Variants in TPPP2 observed in about 807,000 individuals in gnomAD.
TPPP2 encodes the protein tubulin polymerization-promoting protein family member 2.
TPPP2 carries 8 observed loss-of-function variants against 13.0 expected under a neutral mutation model. That is an observed-to-expected ratio of 0.62 (90% CI 0.36 to 1.11). The LOEUF (loss-of-function observed/expected upper bound fraction) is 1.11. Among genes scored for constraint, TPPP2 ranks in the 50% most tolerant of loss-of-function variants. TPPP2 has a pLI of 0.02. For synonymous variants in TPPP2, 81 were observed against 81.8 expected (o/e 0.99, Z 0.05); for missense variants, 213 against 216.9 (o/e 0.98, Z 0.11).
chr14:21,035,664 C>A (rs549150256), downstream of TPPP2: 2 of 420,746 alleles, frequency 4.8e-6, no homozygotes, highest in Non-Finnish European at 4.8e-6. Flanking sequence ...GGAGTAAGGC[C>A]GCAGAGAGAA....
intron 3 of TPPP2, 121 bp from the exon 4 acceptor site, chr14:21,031,771 C>T (rs1884184658): frequency 5.2e-6 from 6 of 1,145,070 alleles, no homozygotes; most frequent in Admixed American, 2.5e-5. Context: ...AAGCAGCACC[C>T]CATGCCAGTG....
At chr14:21,034,361 G>A, downstream of TPPP2, 1 of 1,086,542 alleles carries the variant, frequency 9.2e-7, no homozygotes, top group African/African-American at 1.6e-5. Context: ...ACATCCCAGA[G>A]CCTCCAGCAT....
At chr14:21,034,076 G>A, downstream of TPPP2, 1 of 1,614,166 alleles carries the variant, frequency 6.2e-7, no homozygotes, top group Non-Finnish European at 8.5e-7. Context: ...TCACATAATG[G>A]ATCTTTGGGC....
upstream of TPPP2, chr14:21,025,359 C>T (rs1883356493): frequency 1.0e-6 from 1 of 985,264 alleles, no homozygotes; most frequent in Non-Finnish European, 1.2e-6. The surrounding 1 kb of genome is among the most constrained non-coding windows in gnomAD (Gnocchi z 5.1). Flanking sequence ...TGAGAGGGAT[C>T]CCTCGGCTGC....
chr14:21,031,715 G>A (rs1884175534), intron 3 of TPPP2, among the ~76,000 whole-genome samples, 177 bp from the exon 4 acceptor site: 2 of 152,162 alleles, frequency 1.3e-5, no homozygotes, highest in South Asian at 2.1e-4. Context: ...ATGAGTGAAC[G>A]GCTCTTACCA....
chr14:21,033,355 C>T (rs76835023), downstream of TPPP2: 8,210 of 280,274 alleles, frequency 0.029, 245 homozygotes, highest in East Asian at 0.12. Flanking sequence ...GCCATATCCC[C>T]TGAGTAGGTG....
chr14:21,025,814 G>A, upstream of TPPP2: 1 of 724,462 alleles, frequency 1.4e-6, no homozygotes, highest in Non-Finnish European at 1.7e-6. This position sits in a 1 kb window ranked among gnomAD's most constrained non-coding sequence, Gnocchi z 5.1. Context: ...GCGGGGGGTG[G>A]GGAGAGGATG....
At chr14:21,025,720 T>C (rs1883504173), upstream of TPPP2, 1 of 965,670 alleles carries the variant, frequency 1.0e-6, no homozygotes, top group Non-Finnish European at 1.2e-6. The surrounding 1 kb of genome is among the most constrained non-coding windows in gnomAD (Gnocchi z 5.1). Flanking sequence ...CTCCGGCTGC[T>C]CCGGGAGAAG....
downstream of TPPP2, chr14:21,034,184 T>G (rs780855007): frequency 2.5e-6 from 4 of 1,613,734 alleles, no homozygotes; most frequent in Non-Finnish European, 3.4e-6. Context: ...AGTCAATGCT[T>G]AAGGTATAGA....
At position 21,025,128 on chromosome 14, in the gene TPPP2, C is replaced by T. The variant is rs1490471900; in HGVS notation, n.236+784C>T. ...CCCGCCCCCGGCCCGCCCCAGCCCG[C>T]CCACGGGCGCTAGGCTCCCCGCAGA... On this transcript the variant is annotated intron_variant and non_coding_transcript_variant, in intron 1 of 1. Coordinates refer to the TPPP2 transcript ENST00000533755. This position sits in a 1 kb window ranked among gnomAD's most constrained non-coding sequence, Gnocchi z 5.1. The T allele has an allele frequency of 4.0e-5, 39 of 982,528 alleles. No individual in the cohort carries two copies. In the South Asian group the frequency reaches 1.3e-3, roughly 32 times the overall value. 60.9% of individuals were successfully genotyped at this position (982,528 alleles called of 1,614,324 possible). A position where few individuals can be genotyped will look rare whatever the true frequency, so the allele number is the denominator to read the frequency against.
chr14:21,031,471 C>A (rs1351535295), intron 3 of TPPP2, among the ~76,000 whole-genome samples: 1 of 152,202 alleles, frequency 6.6e-6, no homozygotes, highest in Non-Finnish European at 1.5e-5. Context: ...CTGATGCCCA[C>A]TCCTCTTCCA....
Position 21,031,025 on chromosome 14 carries a change from C to A in TPPP2, c.187C>A (p.Arg63=). 1 of 1,609,676 alleles carries A rather than the reference C, an allele frequency of 6.2e-7. No individual in the cohort carries two copies. Among genetic ancestry groups the A allele is most frequent in the Non-Finnish European group, 8.5e-7 (1 of 1,178,222 alleles). The change falls in exon 3 of 4, where the codon CGA becomes AGA. Residue 63 remains arginine, a synonymous_variant. Transcript: ENST00000321760. ...VFSKVKAKNA[R]TITFQQFKEA... ...CTAACTGACCAGGGCCAAGAACGCC[C>A]GAACCATCACGTTTCAACAGTTCAA...
upstream of TPPP2, chr14:21,029,129 C>T (rs1229055033): frequency 6.6e-6 from 1 of 152,184 alleles, no homozygotes; most frequent in East Asian, 1.9e-4. Flanking sequence ...GCTTGCTGGG[C>T]CCAACACTGG....
At chr14:21,024,696 C>T (rs1882809871) in intron 1 of TPPP2, 6 of 985,346 alleles carry the variant, frequency 6.1e-6, no homozygotes, top group South Asian at 9.4e-5. Context: ...CAAGCGCCAT[C>T]GGGAAGGGAT....
At chr14:21,027,593 C>T (rs1403311491), upstream of TPPP2, among the ~76,000 whole-genome samples, 1 of 152,198 alleles carries the variant, frequency 6.6e-6, no homozygotes, top group African/African-American at 2.4e-5. Context: ...GGAGAAAATG[C>T]AAACTATGAA....
intron 2 of TPPP2, 62 bp downstream of exon 2, chr14:21,030,816 A>G: frequency 1.3e-6 from 2 of 1,583,668 alleles, no homozygotes; most frequent in South Asian, 2.3e-5. Context: ...TGGCCACGGA[A>G]GGGTTCACGT....
rs9624 is a variant in TPPP2, at chr14:21,031,962, G to T, written c.398G>T (p.Arg133Leu). 0.14 allele frequency: 220,154 copies of T among 1,613,990 alleles called. 16,915 individuals carry two copies. Among genetic ancestry groups the T allele is most frequent in the East Asian group, 0.28 (12,690 of 44,856 alleles). Residue 133 changes from arginine to leucine, a missense_variant, in exon 4 of 4, where the codon CGC (arginine) becomes CTC (leucine). Coordinates refer to ENST00000321760, the MANE Select transcript of TPPP2 (RefSeq NM_173846.5). ...AAGTACACCGGCACCCACAAGGAGC[G>T]CTTTGATGAGAGTGGCAAGGGCAAG... ...TSKYTGTHKE[R>L]FDESGKGKGI...
At position 21,032,343 on chromosome 14, in the gene TPPP2, G is replaced by C; in HGVS notation, c.*266G>C. On this transcript the variant is annotated 3_prime_UTR_variant, in exon 4 of 4. Transcript: ENST00000321760. ...AGCTGCTTCCAAGAACAGGATGGAA[G>C]AATATATTTGGAGTAAAGAGATGAA... 1.8e-6 allele frequency: 1 copy of C among 563,712 alleles called. No individual in the cohort carries two copies. Among genetic ancestry groups the C allele is most frequent in the South Asian group, 1.5e-5 (1 of 65,310 alleles). 34.9% of individuals were successfully genotyped at this position (563,712 alleles called of 1,614,324 possible). A position where few individuals can be genotyped will look rare whatever the true frequency, so the allele number is the denominator to read the frequency against.
upstream of TPPP2, among the ~76,000 whole-genome samples, chr14:21,026,698 C>A (rs1883682471): frequency 2.0e-5 from 3 of 152,046 alleles, no homozygotes; most frequent in South Asian, 4.1e-4. Flanking sequence ...CCCCCTACAT[C>A]CCCCAATTTG....
Sources: allele counts gnomAD v4.1 joint callset (sites outside exome capture counted in the v4.1 genomes callset), GRCh38; gene constraint gnomAD v4.1.1; non-coding constraint Gnocchi (gnomAD v3.1); transcripts MANE v1.5; gene names NCBI Gene and HGNC (gene_info 2026-07-23, HGNC 2026-07-21).